Variants in CABP1 observed in about 807,000 individuals in gnomAD.
CABP1 encodes calcium binding protein 1.
In CABP1, 17 loss-of-function variants were observed where a neutral mutation model predicts 34.3. The observed-to-expected ratio is 0.50, with a 90% CI of 0.34 to 0.74. CABP1 has a LOEUF of 0.74. CABP1 is among the 30% of genes least tolerant of loss of function. The pLI is 0.01. For synonymous variants in CABP1, 198 were observed against 229.2 expected (o/e 0.86, Z 1.23); for missense variants, 373 against 511.1 (o/e 0.73, Z 2.61).
chr12:120,677,073 T>TA, the CABP1 span, among the ~76,000 whole-genome samples: 289 of 148,230 alleles, frequency 1.9e-3, 9 homozygotes, highest in East Asian at 0.043. Context: ...GGCATTCTCT[T>TA]GAAGTTTGTG....
chr12:120,648,055 T>C (rs1879632258), intron 1 of CABP1, among the ~76,000 whole-genome samples: 1 of 152,206 alleles, frequency 6.6e-6, no homozygotes, highest in South Asian at 2.1e-4. Flanking sequence ...AATCTCTGCT[T>C]TATGCTGTGC....
downstream of CABP1, among the ~76,000 whole-genome samples, chr12:120,669,043 C>A (rs1324917241): frequency 2.0e-5 from 3 of 152,242 alleles, no homozygotes; most frequent in African/African-American, 7.2e-5. Flanking sequence ...CTGCTGTAAA[C>A]CCCAGACACA....
the CABP1 span, among the ~76,000 whole-genome samples, chr12:120,677,867 G>A: frequency 6.6e-6 from 1 of 152,204 alleles, no homozygotes; most frequent in African/African-American, 2.4e-5. Context: ...TAGACAATGA[G>A]CACACTGGGC....
downstream of CABP1, among the ~76,000 whole-genome samples, chr12:120,667,752 G>A (rs6490300): frequency 6.6e-6 from 1 of 151,996 alleles, no homozygotes; most frequent in Non-Finnish European, 1.5e-5. Context: ...CCTCCCAAAG[G>A]GCTGGGATTC....
At position 120,641,437 on chromosome 12, in the gene CABP1, C is replaced by T. The variant is rs894671518; in HGVS notation, c.654+98C>T. The T allele has an allele frequency of 7.6e-6, 9 of 1,183,832 alleles. No individual in the cohort carries two copies. The South Asian group carries it at 1.9e-4, about 26-fold the overall frequency. 73.3% of individuals were successfully genotyped at this position (1,183,832 alleles called of 1,614,324 possible). A position where few individuals can be genotyped will look rare whatever the true frequency, so the allele number is the denominator to read the frequency against. ...ACAGCCTCCTCCCGCGGCCCGTGGT[C>T]CCCCACGGATCACGCCTCGGCTCAC... On this transcript the variant is annotated intron_variant, in intron 1 of 5. Transcript: ENST00000316803. The surrounding 1 kb of genome is among the most constrained non-coding windows in gnomAD (Gnocchi z 6.7).
rs1009276630 is a variant in CABP1, at chr12:120,660,411, T to C, written c.829+72T>C. On this transcript the variant is annotated intron_variant, in intron 3 of 5. Transcript: ENST00000316803. The surrounding 1 kb of genome is among the most constrained non-coding windows in gnomAD (Gnocchi z 5.0). ...GCCGTCCTCTGCAGTCAGACAGGAC[T>C]GGCTTCAAATTCTGCATCCACCTCT... 5.3e-6 allele frequency: 8 copies of C among 1,501,958 alleles called. No homozygotes were observed. The Admixed American group carries it at 1.4e-4, about 26-fold the overall frequency. 93.0% of individuals were successfully genotyped at this position (1,501,958 alleles called of 1,614,324 possible). A position where few individuals can be genotyped will look rare whatever the true frequency, so the allele number is the denominator to read the frequency against.
At chr12:120,644,692 C>T (rs941951352) in intron 1 of CABP1, among the ~76,000 whole-genome samples, 1 of 152,198 alleles carries the variant, frequency 6.6e-6, no homozygotes, top group Admixed American at 6.5e-5. Context: ...TAGGCTATCC[C>T]TGTTCCCATA....
intron 1 of CABP1, among the ~76,000 whole-genome samples, chr12:120,644,870 T>C (rs983775837): frequency 2.0e-5 from 3 of 152,174 alleles, no homozygotes; most frequent in African/African-American, 7.2e-5. Context: ...AGTGGTATGA[T>C]CTTGGCTCAC....
At chr12:120,656,365 AC>A in intron 1 of CABP1, 1 of 1,228,534 alleles carries the variant, frequency 8.1e-7, no homozygotes, top group Non-Finnish European at 1.1e-6. Context: ...CAGAGCTCAC[AC>A]CCCCAACTTA....
At chr12:120,642,299 CAG>C (rs769748685) in intron 1 of CABP1, among the ~76,000 whole-genome samples, 28 of 152,076 alleles carry the variant, frequency 1.8e-4, no homozygotes, top group South Asian at 8.4e-4. Context: ...TGTAGGGAAA[CAG>C]GGGGGGCTGT....
At chr12:120,673,608 T>A in the CABP1 span, among the ~76,000 whole-genome samples, 1 of 151,526 alleles carries the variant, frequency 6.6e-6, no homozygotes. Context: ...AAAAAAAGTC[T>A]AAAAAAAACC....
At chr12:120,669,093 C>T (rs1187614624), downstream of CABP1, among the ~76,000 whole-genome samples, 6 of 124,266 alleles carry the variant, frequency 4.8e-5, no homozygotes, top group Non-Finnish European at 1.0e-4. Flanking sequence ...GGGGAGGCTG[C>T]GGGGTTGATG....
At chr12:120,672,001 G>A (rs547256140), downstream of CABP1, among the ~76,000 whole-genome samples, 232 of 152,216 alleles carry the variant, frequency 1.5e-3, 1 homozygote, top group African/African-American at 5.5e-3. Context: ...CCAGGAGTTC[G>A]AGTCTGCAGT....
At chr12:120,673,768 A>C in the CABP1 span, among the ~76,000 whole-genome samples, 1 of 152,166 alleles carries the variant, frequency 6.6e-6, no homozygotes, top group Non-Finnish European at 1.5e-5. Flanking sequence ...CAGGAATTCT[A>C]CTACTAAACC....
intron 1 of CABP1, among the ~76,000 whole-genome samples, chr12:120,653,527 T>G (rs959267656): frequency 3.3e-5 from 5 of 152,034 alleles, no homozygotes; most frequent in African/African-American, 1.2e-4. Flanking sequence ...TTTTGTTTTG[T>G]TTTGTTTTTT....
At chr12:120,644,053 G>A (rs189215417) in intron 1 of CABP1, among the ~76,000 whole-genome samples, 69 of 152,320 alleles carry the variant, frequency 4.5e-4, no homozygotes, top group African/African-American at 1.6e-3. Context: ...TGGAGACAGC[G>A]TGGTTTTGAG....
At chr12:120,676,216 C>G in the CABP1 span, among the ~76,000 whole-genome samples, 1 of 152,142 alleles carries the variant, frequency 6.6e-6, no homozygotes, top group Non-Finnish European at 1.5e-5. Flanking sequence ...CCAGACATAC[C>G]AGTCACATAT....
At chr12:120,643,532 C>T (rs979744713) in intron 1 of CABP1, among the ~76,000 whole-genome samples, 22 of 152,150 alleles carry the variant, frequency 1.4e-4, no homozygotes, top group Non-Finnish European at 2.6e-4. Context: ...TTCATGACTC[C>T]CCAAGTTTCA....
chr12:120,671,026 G>A (rs953004476), downstream of CABP1, among the ~76,000 whole-genome samples: 2 of 152,168 alleles, frequency 1.3e-5, no homozygotes, highest in Admixed American at 6.5e-5. Flanking sequence ...GAGCCCTGGA[G>A]GTACATAAAA....
Sources: allele counts gnomAD v4.1 joint callset (sites outside exome capture counted in the v4.1 genomes callset), GRCh38; gene constraint gnomAD v4.1.1; non-coding constraint Gnocchi (gnomAD v3.1); transcripts MANE v1.5; gene names NCBI Gene and HGNC (gene_info 2026-07-23, HGNC 2026-07-21).